CLXN: variants seen among roughly 807,000 people sequenced by gnomAD.
CLXN encodes the protein calaxin, also known as EF-hand calcium binding domain 1.
At chr8:48,731,434 C>A in the CLXN span, 2 of 1,613,436 alleles carry the variant, frequency 1.2e-6, no homozygotes, top group Non-Finnish European at 1.7e-6. Flanking sequence ...AACAACCAGA[C>A]CTTGCCTCTC....
the CLXN span, chr8:48,735,069 T>G: frequency 6.2e-7 from 1 of 1,613,818 alleles, no homozygotes; most frequent in Non-Finnish European, 8.5e-7. Flanking sequence ...AGCCTCGGCC[T>G]GTCCAGCACT....
the CLXN span, among the ~76,000 whole-genome samples, chr8:48,720,279 C>T: frequency 2.0e-5 from 3 of 151,956 alleles, no homozygotes; most frequent in African/African-American, 4.8e-5. Flanking sequence ...CCTGCGGGGT[C>T]GGGCAAAAAG....
the CLXN span, among the ~76,000 whole-genome samples, chr8:48,728,830 C>A: frequency 6.6e-6 from 1 of 152,184 alleles, no homozygotes; most frequent in Non-Finnish European, 1.5e-5. Flanking sequence ...TTAATTGTTT[C>A]TGACATGAAT....
At chr8:48,714,372 C>T in the CLXN span, among the ~76,000 whole-genome samples, 2 of 152,126 alleles carry the variant, frequency 1.3e-5, no homozygotes, top group Non-Finnish European at 2.9e-5. Flanking sequence ...TTATGATGAA[C>T]GGCAGAGGAG....
At chr8:48,734,992 C>G in the CLXN span, 1 of 1,372,690 alleles carries the variant, frequency 7.3e-7, no homozygotes, top group Non-Finnish European at 1.0e-6. Context: ...CCCACAGAGT[C>G]CCAGCAGGCG....
At chr8:48,735,294 G>C in the CLXN span, 6 of 938,964 alleles carry the variant, frequency 6.4e-6, no homozygotes, top group South Asian at 1.5e-5. Flanking sequence ...CCTAACAGAC[G>C]GTGTAGCCAA....
the CLXN span, chr8:48,714,969 G>A: frequency 1.3e-5 from 2 of 152,142 alleles, no homozygotes; most frequent in Non-Finnish European, 2.9e-5. Flanking sequence ...TGGAATACCA[G>A]GCAGCCATTA....
chr8:48,733,590 A>C, the CLXN span, among the ~76,000 whole-genome samples: 1 of 152,238 alleles, frequency 6.6e-6, no homozygotes. Flanking sequence ...TCCGTTAAAG[A>C]AAATTTAAAA....
chr8:48,712,643 G>A, the CLXN span, among the ~76,000 whole-genome samples: 10,589 of 152,238 alleles, frequency 0.07, 463 homozygotes, highest in Middle Eastern at 0.11. Context: ...AAATGCAGAC[G>A]TGCGCCCAGC....
the CLXN span, chr8:48,729,210 C>T: frequency 1.5e-6 from 2 of 1,365,162 alleles, no homozygotes; most frequent in Non-Finnish European, 2.1e-6. Context: ...ATGCTCTTTT[C>T]ATAGTCAAGT....
At chr8:48,725,525 C>T in the CLXN span, among the ~76,000 whole-genome samples, 2 of 152,094 alleles carry the variant, frequency 1.3e-5, no homozygotes, top group East Asian at 1.9e-4. Flanking sequence ...TAATGGGAGC[C>T]AGGCATGGTG....
At chr8:48,724,692 G>T in the CLXN span, 1 of 1,451,912 alleles carries the variant, frequency 6.9e-7, no homozygotes, top group Non-Finnish European at 9.5e-7. Flanking sequence ...TAAGCAATAT[G>T]TGTGTGCCTC....
the CLXN span, among the ~76,000 whole-genome samples, chr8:48,719,618 G>T: frequency 6.6e-6 from 1 of 152,192 alleles, no homozygotes; most frequent in Non-Finnish European, 1.5e-5. Flanking sequence ...TTCAGCATAT[G>T]CAAATCAATT....
chr8:48,718,142 G>T, the CLXN span, among the ~76,000 whole-genome samples: 1 of 152,116 alleles, frequency 6.6e-6, no homozygotes, highest in African/African-American at 2.4e-5. Context: ...GATGGAAAAA[G>T]ATATTCCATG....
chr8:48,729,682 C>T, the CLXN span: 2 of 1,560,020 alleles, frequency 1.3e-6, no homozygotes, highest in East Asian at 4.5e-5. Context: ...ATCTGGCCCA[C>T]AAATTTTAAT....
the CLXN span, chr8:48,730,040 T>G: frequency 2.1e-6 from 1 of 484,760 alleles, no homozygotes; most frequent in Non-Finnish European, 3.5e-6. Context: ...ACAATAATCC[T>G]TAGAAAATAT....
chr8:48,735,234 T>A, the CLXN span: 1 of 1,500,020 alleles, frequency 6.7e-7, no homozygotes, highest in African/African-American at 1.4e-5. Context: ...CCGCGAGCCC[T>A]GGTGCTGGGT....
the CLXN span, among the ~76,000 whole-genome samples, chr8:48,714,691 G>A: frequency 2.6e-5 from 4 of 152,202 alleles, no homozygotes; most frequent in Non-Finnish European, 5.9e-5. Flanking sequence ...CAGGGAAAGG[G>A]AGTCTCGTAC....
chr8:48,726,310 T>C, the CLXN span, among the ~76,000 whole-genome samples: 1 of 138,050 alleles, frequency 7.2e-6, no homozygotes. Context: ...TATCCATCCA[T>C]GTACCTACAC....
Sources: allele counts gnomAD v4.1 joint callset (sites outside exome capture counted in the v4.1 genomes callset), GRCh38; gene constraint gnomAD v4.1.1; transcripts MANE v1.5; gene names NCBI Gene and HGNC (gene_info 2026-07-23, HGNC 2026-07-21).